Variants in CLIP2 observed in about 807,000 individuals in gnomAD.
CLIP2 encodes the protein CAP-Gly domain-containing linker protein 2.
CLIP2 carries 41 observed loss-of-function variants against 111.7 expected under a neutral mutation model. The ratio of observed to expected loss-of-function variants is 0.37; its 90% CI spans 0.29 to 0.48. CLIP2 has a LOEUF of 0.48. Among genes scored for constraint, CLIP2 ranks in the 20% least tolerant of loss-of-function variants. The probability of loss-of-function intolerance (pLI) is 0.99; values close to 1 mark genes in which losing one functional copy is unlikely to be tolerated. For synonymous variants in CLIP2, 660 were observed against 644.2 expected (o/e 1.02, Z -0.37); for missense variants, 1,160 against 1,422.1 (o/e 0.82, Z 2.96).
At chr7:74,308,697 G>T (rs1788560570) in intron 1 of CLIP2, among the ~76,000 whole-genome samples, 1 of 151,810 alleles carries the variant, frequency 6.6e-6, no homozygotes, top group Admixed American at 6.6e-5. Context: ...TAGAGACAGG[G>T]TTTCACCACG....
chr7:74,308,669 T>C (rs1788559907), intron 1 of CLIP2, among the ~76,000 whole-genome samples: 1 of 151,926 alleles, frequency 6.6e-6, no homozygotes, highest in Non-Finnish European at 1.5e-5. Flanking sequence ...CACGCCCAGC[T>C]AATTTTTGTA....
At chr7:74,342,252 T>C (rs1554305488) in intron 3 of CLIP2, among the ~76,000 whole-genome samples, 1 of 152,032 alleles carries the variant, frequency 6.6e-6, no homozygotes, top group African/African-American at 2.4e-5. Flanking sequence ...GGCACGTGCC[T>C]GTAGTCCGAG....
chr7:74,391,101 C>G (rs1307889169), intron 13 of CLIP2, among the ~76,000 whole-genome samples: 1 of 151,928 alleles, frequency 6.6e-6, no homozygotes, highest in Non-Finnish European at 1.5e-5. Context: ...GGAAGAGTGG[C>G]ATTATTTCAA....
rs575773895 is a variant in CLIP2, at chr7:74,351,708, C to T, written c.679-2172C>T. On this transcript the variant is annotated intron_variant, in intron 3 of 16. Transcript: ENST00000223398. Reference sequence around the variant, plus strand: ...AAAATTAGCCGGGCATGGTGACAAACGCCTATAATCCCAGCTACTCCGGAG... The same window carrying T: ...AAAATTAGCCGGGCATGGTGACAAATGCCTATAATCCCAGCTACTCCGGAG... 3.0e-3 allele frequency among the ~76,000 whole-genome samples: 453 copies of T among 152,114 alleles called. 1 individual carries two copies. Among genetic ancestry groups the T allele is most frequent in the Non-Finnish European group, 2.5e-3 (170 of 68,016 alleles).
chr7:74,390,593 G>A (rs1791267753), intron 13 of CLIP2, among the ~76,000 whole-genome samples: 1 of 151,810 alleles, frequency 6.6e-6, no homozygotes, highest in Non-Finnish European at 1.5e-5. Flanking sequence ...CACCTTAGGT[G>A]GCAAGTCGAG....
chr7:74,364,552 C>T (rs1312562251), intron 8 of CLIP2, among the ~76,000 whole-genome samples: 1 of 152,162 alleles, frequency 6.6e-6, no homozygotes, highest in Non-Finnish European at 1.5e-5. Flanking sequence ...CAGGACGAAC[C>T]CAGGGCAGGG....
rs558636281 is a variant in CLIP2, at chr7:74,401,366, G to T, written c.3067-139G>T. Reference sequence around the variant, plus strand: ...CTTACCCCTAGAGGCTTGGTCTTTGGGGGTGCTGGGAGCCCCAGGCTGAAG... The same window carrying T: ...CTTACCCCTAGAGGCTTGGTCTTTGTGGGTGCTGGGAGCCCCAGGCTGAAG... On this transcript the variant is annotated intron_variant, in intron 15 of 16. Coordinates refer to ENST00000223398, the MANE Select transcript of CLIP2 (RefSeq NM_003388.5). 3 of 746,110 alleles carry T rather than the reference G, an allele frequency of 4.0e-6. No homozygotes were observed. The African/African-American group carries it at 5.2e-5, about 13-fold the overall frequency. 46.2% of individuals were successfully genotyped at this position (746,110 alleles called of 1,614,324 possible). A position where few individuals can be genotyped will look rare whatever the true frequency, so the allele number is the denominator to read the frequency against.
chr7:74,290,176 T>G (rs1554725195), intron 1 of CLIP2, among the ~76,000 whole-genome samples: 4 of 152,174 alleles, frequency 2.6e-5, no homozygotes, highest in Non-Finnish European at 5.9e-5. Context: ...GGCGCGGCCA[T>G]GCAGCCCCCA....
At chr7:74,371,243 CA>C (rs781898485) in intron 8 of CLIP2, among the ~76,000 whole-genome samples, 1,226 of 61,628 alleles carry the variant, frequency 0.02, 9 homozygotes, top group African/African-American at 0.074. Flanking sequence ...AACTATGCCT[CA>C]AAAAAAAAAA....
intron 8 of CLIP2, among the ~76,000 whole-genome samples, chr7:74,368,576 A>G (rs1467040305): frequency 6.6e-6 from 1 of 151,774 alleles, no homozygotes; most frequent in Non-Finnish European, 1.5e-5. Flanking sequence ...ATAAAAAACA[A>G]AAAAAGTCCT....
At chr7:74,322,268 G>A (rs1405097738) in intron 2 of CLIP2, among the ~76,000 whole-genome samples, 4 of 151,692 alleles carry the variant, frequency 2.6e-5, no homozygotes, top group Non-Finnish European at 5.9e-5. Flanking sequence ...TGGGAGTACA[G>A]GCGTGAGCCA....
chr7:74,391,026 G>A (rs1168535745), intron 13 of CLIP2, among the ~76,000 whole-genome samples: 1 of 151,976 alleles, frequency 6.6e-6, no homozygotes, highest in Admixed American at 6.6e-5. Flanking sequence ...ACCAGCCTGG[G>A]CAACAAGAGC....
At chr7:74,321,986 CT>C (rs34549907) in intron 2 of CLIP2, among the ~76,000 whole-genome samples, 41 of 125,418 alleles carry the variant, frequency 3.3e-4, no homozygotes, top group South Asian at 1.0e-3. Flanking sequence ...TTTATTTTTC[CT>C]TTTTTTTTTT....
intron 8 of CLIP2, among the ~76,000 whole-genome samples, chr7:74,365,756 C>G (rs1050182477): frequency 6.6e-6 from 1 of 151,958 alleles, no homozygotes; most frequent in African/African-American, 2.4e-5. Context: ...CATCCCCACC[C>G]TTTTTTTTCT....
intron 1 of CLIP2, among the ~76,000 whole-genome samples, chr7:74,304,968 G>A (rs229888): frequency 0.59 from 86,173 of 147,028 alleles, 28,302 homozygotes; most frequent in Non-Finnish European, 0.75. Context: ...ATGAATGAAT[G>A]AATAAATAAA....
intron 11 of CLIP2, among the ~76,000 whole-genome samples, chr7:74,382,258 A>T (rs1267749792): frequency 3.3e-3 from 237 of 72,648 alleles, no homozygotes; most frequent in African/African-American, 0.011. Context: ...TAATTTTTGT[A>T]TTTTTTTTTT....
intron 3 of CLIP2, among the ~76,000 whole-genome samples, chr7:74,342,862 C>T (rs185291698): frequency 1.2e-4 from 18 of 152,050 alleles, no homozygotes; most frequent in African/African-American, 3.6e-4. Context: ...GGTGAAACCC[C>T]GTCTCTACTA....
At chr7:74,384,251 T>A (rs1791020604) in intron 11 of CLIP2, among the ~76,000 whole-genome samples, 1 of 151,982 alleles carries the variant, frequency 6.6e-6, no homozygotes, top group South Asian at 2.1e-4. Flanking sequence ...TGTGGCCAAA[T>A]GATATTCCAT....
chr7:74,336,871 T>G (rs150200165), intron 2 of CLIP2, among the ~76,000 whole-genome samples: 29 of 21,156 alleles, frequency 1.4e-3, no homozygotes, highest in Admixed American at 2.4e-3. Flanking sequence ...TTTTTTTTTT[T>G]TTTGTTTTTT....
Sources: gnomAD v4.1 joint callset for allele counts (sites outside exome capture counted in the v4.1 genomes callset) on GRCh38, gnomAD v4.1.1 for gene constraint, MANE v1.5 for transcripts, NCBI Gene and HGNC (gene_info 2026-07-23, HGNC 2026-07-21) for gene names.